EHMT1: variants seen among roughly 807,000 people sequenced by gnomAD.
EHMT1 encodes euchromatic histone lysine methyltransferase 1, also known as histone-lysine N-methyltransferase EHMT1.
A neutral mutation model predicts 147.2 loss-of-function variants in EHMT1; 15 were observed. The observed-to-expected ratio is 0.10, with a 90% CI of 0.07 to 0.16. The LOEUF is 0.16. Among genes scored for constraint, EHMT1 ranks in the 10% least tolerant of loss-of-function variants. The pLI is 1.00. For missense variants in EHMT1, 1,587 were observed against 1,772.4 expected (o/e 0.90, Z 1.88); for synonymous variants, 795 against 709.6 (o/e 1.12, Z -1.91).
chr9:137,705,964 G>A (rs1343290910), intron 1 of EHMT1, among the ~76,000 whole-genome samples: 3 of 152,122 alleles, frequency 2.0e-5, no homozygotes, highest in East Asian at 3.9e-4. Flanking sequence ...TCCAAATTGC[G>A]AGGTGGGGAA....
At chr9:137,745,644 C>T (rs994304800) in intron 6 of EHMT1, 3 of 398,084 alleles carry the variant, frequency 7.5e-6, no homozygotes, top group East Asian at 3.6e-5. Flanking sequence ...GCAGCTGCCG[C>T]GGTCTCTGCA....
rs889415333 is a variant in EHMT1, at chr9:137,835,003, C to G, written c.*50C>G. The stretch of plus-strand genomic sequence containing the variant: ...CGGGAGCCAGGGACCGCCGCGTCGC[C>G]GATTAGAGGACGAGGAGGAGAGATT... On this transcript the variant is annotated 3_prime_UTR_variant, in exon 27 of 27. Coordinates refer to ENST00000460843, the MANE Select transcript of EHMT1 (RefSeq NM_024757.5). 1 of 1,362,470 alleles carries G rather than the reference C, an allele frequency of 7.3e-7. No individual in the cohort carries two copies. Among genetic ancestry groups the G allele is most frequent in the African/African-American group, 1.6e-5 (1 of 64,370 alleles). 84.4% of individuals were successfully genotyped at this position (1,362,470 alleles called of 1,614,324 possible). A position where few individuals can be genotyped will look rare whatever the true frequency, so the allele number is the denominator to read the frequency against.
chr9:137,626,224 C>G (rs1843247316), intron 1 of EHMT1, among the ~76,000 whole-genome samples: 1 of 151,678 alleles, frequency 6.6e-6, no homozygotes, highest in African/African-American at 2.4e-5. Flanking sequence ...ATCTCCTGTT[C>G]TTGTTTTATA....
chr9:137,812,064 G>T (rs1231245816), intron 19 of EHMT1, among the ~76,000 whole-genome samples: 2 of 152,112 alleles, frequency 1.3e-5, no homozygotes, highest in Non-Finnish European at 2.9e-5. Flanking sequence ...TCAGCTGGGT[G>T]GTGGTGGCTC....
chr9:137,750,080 C>A (rs1948849025), intron 6 of EHMT1, among the ~76,000 whole-genome samples: 1 of 152,210 alleles, frequency 6.6e-6, no homozygotes, highest in Non-Finnish European at 1.5e-5. Flanking sequence ...ATATACTCAT[C>A]CATCTGAAAC....
At chr9:137,779,869 G>T (rs1405600185) in intron 14 of EHMT1, 152 bp downstream of exon 14, 3 of 798,518 alleles carry the variant, frequency 3.8e-6, no homozygotes, top group Non-Finnish European at 6.1e-6. Flanking sequence ...AGAATAGGTT[G>T]CCCACTGGTG....
chr9:137,676,532 A>G (rs1341282888), intron 1 of EHMT1: 2 of 152,216 alleles, frequency 1.3e-5, no homozygotes, highest in Non-Finnish European at 2.9e-5. Flanking sequence ...CACCCGGCTA[A>G]TTTTTACATT....
intron 3 of EHMT1, among the ~76,000 whole-genome samples, chr9:137,720,173 C>A (rs1006036723): frequency 5.9e-5 from 9 of 151,420 alleles, no homozygotes; most frequent in Admixed American, 5.3e-4. Flanking sequence ...GTGCCGAACC[C>A]CCTTCACACC....
intron 1 of EHMT1, among the ~76,000 whole-genome samples, chr9:137,621,694 G>T (rs759477818): frequency 6.6e-6 from 1 of 152,250 alleles, no homozygotes; most frequent in African/African-American, 2.4e-5. Flanking sequence ...AGTAAATGGG[G>T]CATCTTAGGG....
intron 25 of EHMT1, 32 bp downstream of exon 25, chr9:137,818,170 G>A: frequency 6.2e-7 from 1 of 1,605,522 alleles, no homozygotes; most frequent in Non-Finnish European, 8.5e-7. Flanking sequence ...GGGCCACGCA[G>A]AACTTGTGAA....
At chr9:137,662,843 G>C (rs1939231762) in intron 1 of EHMT1, among the ~76,000 whole-genome samples, 1 of 150,632 alleles carries the variant, frequency 6.6e-6, no homozygotes, top group Admixed American at 6.6e-5. Context: ...ACCCAGGCTG[G>C]AGTGCAATGG....
At chr9:137,811,681 T>C in intron 19 of EHMT1, 66 bp downstream of exon 19, 1 of 1,592,056 alleles carries the variant, frequency 6.3e-7, no homozygotes, top group African/African-American at 1.3e-5. Context: ...GAGAGACCGC[T>C]TGACAGTCTT....
chr9:137,751,727 T>C (rs1242161990), intron 6 of EHMT1, among the ~76,000 whole-genome samples: 5 of 152,030 alleles, frequency 3.3e-5, no homozygotes, highest in African/African-American at 4.8e-5. Flanking sequence ...TAGAAGAAAA[T>C]AATATTCACA....
At chr9:137,651,822 G>T (rs1252448136) in intron 1 of EHMT1, among the ~76,000 whole-genome samples, 1 of 152,070 alleles carries the variant, frequency 6.6e-6, no homozygotes, top group Non-Finnish European at 1.5e-5. Flanking sequence ...TTGTAGTGGA[G>T]CCGAAAAGTT....
chr9:137,834,246 G>A (rs1956436729), intron 25 of EHMT1, 103 bp from the exon 26 acceptor site: 19 of 1,471,618 alleles, frequency 1.3e-5, no homozygotes, highest in Non-Finnish European at 1.7e-5. Context: ...GCGGGCCTGC[G>A]CCCAACTGCA....
chr9:137,823,429 T>G (rs879264504), intron 25 of EHMT1: 170 of 323,440 alleles, frequency 5.3e-4, no homozygotes, highest in Non-Finnish European at 8.4e-4. Context: ...TTTTTTTTTT[T>G]GAAACGGAGT....
intron 1 of EHMT1, among the ~76,000 whole-genome samples, chr9:137,626,447 C>T (rs1475646020): frequency 5.4e-5 from 8 of 149,174 alleles, no homozygotes; most frequent in African/African-American, 9.9e-5. Context: ...TGCTTGAGTC[C>T]GGGAGGTTGA....
intron 18 of EHMT1, among the ~76,000 whole-genome samples, chr9:137,805,396 CAT>C (rs1182636618): frequency 6.6e-6 from 1 of 152,170 alleles, no homozygotes; most frequent in Non-Finnish European, 1.5e-5. Context: ...CAGTCGTCCA[CAT>C]GTCAGAGTCA....
At chr9:137,626,322 C>T (rs909466360) in intron 1 of EHMT1, among the ~76,000 whole-genome samples, 2 of 151,730 alleles carry the variant, frequency 1.3e-5, no homozygotes, top group African/African-American at 2.4e-5. Flanking sequence ...TAAAAAATGT[C>T]TCAGCCTGTG....
Sources: gnomAD v4.1 joint callset for allele counts (sites outside exome capture counted in the v4.1 genomes callset) on GRCh38, gnomAD v4.1.1 for gene constraint, MANE v1.5 for transcripts, NCBI Gene and HGNC (gene_info 2026-07-23, HGNC 2026-07-21) for gene names.